Variants in FGGY observed in about 807,000 individuals in gnomAD.
FGGY encodes FGGY carbohydrate kinase domain-containing protein.
In FGGY, 72 loss-of-function variants were observed where a neutral mutation model predicts 71.3. The observed-to-expected ratio is 1.01, with a 90% CI of 0.84 to 1.23. The LOEUF is 1.23. Among genes scored for constraint, FGGY ranks in the 50% most tolerant of loss-of-function variants. The probability of loss-of-function intolerance (pLI) is 0.00; values close to 1 mark genes in which losing one functional copy is unlikely to be tolerated. For synonymous variants in FGGY, 251 were observed against 250.3 expected, an observed-to-expected ratio of 1.00 and a Z score of -0.02; for missense variants, 668 against 682.3, an observed-to-expected ratio of 0.98 and a Z score of 0.23.
chr1:59,338,969 A>G (rs1474609416), intron 2 of FGGY, among the ~76,000 whole-genome samples: 4 of 152,212 alleles, frequency 2.6e-5, no homozygotes, highest in African/African-American at 9.6e-5. Flanking sequence ...CTCTGAAACT[A>G]AAATGCACCA....
intron 4 of FGGY, among the ~76,000 whole-genome samples, chr1:59,364,941 G>A (rs1045899653): frequency 6.6e-6 from 1 of 152,206 alleles, no homozygotes; most frequent in Admixed American, 6.5e-5. Context: ...AGAAGAGGTA[G>A]AAGATGACTC....
chr1:59,586,463 C>T (rs1409985531), intron 8 of FGGY, among the ~76,000 whole-genome samples: 3 of 151,856 alleles, frequency 2.0e-5, no homozygotes, highest in Admixed American at 6.6e-5. Context: ...ACAATGAGAA[C>T]ACATGGACAC....
rs1241369925 is a variant in FGGY at position 59,485,078 on chromosome 1, C to G, written c.671-27233C>G. Among the ~76,000 whole-genome samples the G allele has an allele frequency of 2.0e-5, 3 of 152,108 alleles. No homozygotes were observed. In the East Asian group the frequency reaches 5.8e-4, roughly 29 times the overall value. On this transcript the variant is annotated intron_variant, in intron 6 of 15. Coordinates refer to ENST00000303721, the MANE Select transcript of FGGY (RefSeq NM_018291.5). ...TGAGAAAATGTGCTTGGAAAATGTC[C>G]TTTGATTTGTTGTGAACCCCAAAGC... is the stretch of plus-strand genomic sequence containing the variant.
At chr1:59,671,792 C>T (rs138405305) in intron 13 of FGGY, among the ~76,000 whole-genome samples, 39 of 152,270 alleles carry the variant, frequency 2.6e-4, no homozygotes, top group Middle Eastern at 3.4e-3. Flanking sequence ...AGCTGAGGCA[C>T]GGAAAGATTA....
chr1:59,459,842 T>C (rs1330099134), intron 6 of FGGY, among the ~76,000 whole-genome samples: 1 of 152,218 alleles, frequency 6.6e-6, no homozygotes. Flanking sequence ...GGTAGCCCAC[T>C]TTATGAAAAG....
chr1:59,618,254 T>A (rs1489741781), intron 9 of FGGY, among the ~76,000 whole-genome samples: 1 of 152,168 alleles, frequency 6.6e-6, no homozygotes, highest in Non-Finnish European at 1.5e-5. Context: ...GTACCTATTA[T>A]GTACCAAATA....
chr1:59,362,764 A>G (rs565923462), intron 4 of FGGY, among the ~76,000 whole-genome samples: 7 of 152,298 alleles, frequency 4.6e-5, no homozygotes, highest in African/African-American at 1.7e-4. Flanking sequence ...TTAGAACTTG[A>G]ATTATTCTGT....
intron 14 of FGGY, among the ~76,000 whole-genome samples, chr1:59,744,374 C>A (rs2098176559): frequency 6.6e-6 from 1 of 152,218 alleles, no homozygotes; most frequent in Non-Finnish European, 1.5e-5. Context: ...GCACCTGCCA[C>A]CACACCCAGC....
chr1:59,399,697 A>G (rs571224799), intron 5 of FGGY, among the ~76,000 whole-genome samples: 2 of 152,224 alleles, frequency 1.3e-5, no homozygotes, highest in South Asian at 2.1e-4. Flanking sequence ...ATATAATATA[A>G]TTTTTTTCTT....
intron 11 of FGGY, among the ~76,000 whole-genome samples, chr1:59,655,985 A>G (rs145526236): frequency 1.3e-5 from 2 of 152,244 alleles, no homozygotes; most frequent in South Asian, 4.1e-4. Flanking sequence ...CAATATTTAC[A>G]TAAGTGCTTT....
chr1:59,341,243 TGA>T (rs1451676371), intron 3 of FGGY, among the ~76,000 whole-genome samples: 1 of 152,202 alleles, frequency 6.6e-6, no homozygotes, highest in Admixed American at 6.5e-5. Flanking sequence ...GAGAATTTAG[TGA>T]GAGACTGATA....
intron 7 of FGGY, among the ~76,000 whole-genome samples, chr1:59,549,826 TGTTG>T (rs1282736253): frequency 6.6e-6 from 1 of 152,178 alleles, no homozygotes; most frequent in African/African-American, 2.4e-5. Flanking sequence ...GTGGAAGTAT[TGTTG>T]GTTGGATGAA....
chr1:59,640,368 T>G (rs2097010046), intron 11 of FGGY, among the ~76,000 whole-genome samples: 1 of 152,202 alleles, frequency 6.6e-6, no homozygotes, highest in Non-Finnish European at 1.5e-5. Context: ...TGTTATATCC[T>G]TTTGCTGGAA....
chr1:59,393,602 C>G lies in FGGY; in HGVS notation c.554+14765C>G, dbSNP rs1008898642. Among the ~76,000 whole-genome samples, 10 of 152,002 alleles carry G rather than the reference C, an allele frequency of 6.6e-5. No homozygotes were observed. In the East Asian group the frequency reaches 1.9e-3, roughly 29 times the overall value. On this transcript the variant is annotated intron_variant, in intron 5 of 15. Coordinates refer to ENST00000303721, the MANE Select transcript of FGGY (RefSeq NM_018291.5). ...CCCATCCCCCTCCTCTCTCCCTTCT[C>G]TCTTACTTACTTTGGCCCAAATCAG...
At chr1:59,660,530 A>G (rs2097264942) in intron 12 of FGGY, 1 of 355,386 alleles carries the variant, frequency 2.8e-6, no homozygotes, top group South Asian at 8.7e-5. Flanking sequence ...TGAAGATTAT[A>G]CTTGTCATTT....
intron 4 of FGGY, among the ~76,000 whole-genome samples, chr1:59,347,265 G>T (rs1381640556): frequency 2.0e-5 from 2 of 99,988 alleles, no homozygotes. Context: ...CCCCACAACA[G>T]GCCCCGGTGT....
intron 8 of FGGY, among the ~76,000 whole-genome samples, chr1:59,576,077 A>T (rs1369016828): frequency 2.8e-4 from 42 of 152,170 alleles, no homozygotes; most frequent in Non-Finnish European, 1.5e-5. Flanking sequence ...TTGTGGTGAT[A>T]AAAAGCATTC....
intron 5 of FGGY, among the ~76,000 whole-genome samples, chr1:59,402,336 C>T (rs1227567207): frequency 6.6e-6 from 1 of 152,144 alleles, no homozygotes; most frequent in African/African-American, 2.4e-5. Flanking sequence ...TGAGTGCTTG[C>T]CTTTCCCTAA....
At chr1:59,695,508 C>T (rs569298997) in intron 14 of FGGY, among the ~76,000 whole-genome samples, 8 of 152,322 alleles carry the variant, frequency 5.3e-5, no homozygotes, top group African/African-American at 1.2e-4. Context: ...GTGGTCATTA[C>T]GACCTAATGA....
Sources: gnomAD v4.1 joint callset for allele counts (sites outside exome capture counted in the v4.1 genomes callset) on GRCh38, gnomAD v4.1.1 for gene constraint, MANE v1.5 for transcripts, NCBI Gene and HGNC (gene_info 2026-07-23, HGNC 2026-07-21) for gene names.